Variants in NR2F1-AS1 observed in about 807,000 individuals in gnomAD.
NR2F1-AS1 encodes NR2F1 regulatory antisense RNA 1.
At chr5:93,470,071 A>G (rs985034616) in intron 4 of NR2F1-AS1, among the ~76,000 whole-genome samples, 1 of 152,048 alleles carries the variant, frequency 6.6e-6, no homozygotes, top group Non-Finnish European at 1.5e-5. Context: ...ATAGCCACAA[A>G]AGGTAAATAT....
At chr5:93,492,281 C>A (rs955819990) in intron 4 of NR2F1-AS1, among the ~76,000 whole-genome samples, 1 of 152,026 alleles carries the variant, frequency 6.6e-6, no homozygotes, top group African/African-American at 2.4e-5. Flanking sequence ...AAAGAAAAAA[C>A]CTTAACAGAC....
chr5:93,479,505 T>C (rs1001348918), intron 4 of NR2F1-AS1, among the ~76,000 whole-genome samples: 6 of 152,156 alleles, frequency 3.9e-5, no homozygotes, highest in African/African-American at 1.4e-4. Context: ...ACTAAACAAA[T>C]GAACAACTGC....
intron 4 of NR2F1-AS1, among the ~76,000 whole-genome samples, chr5:93,539,406 A>G (rs945543009): frequency 3.3e-5 from 5 of 152,216 alleles, no homozygotes; most frequent in African/African-American, 1.2e-4. Context: ...TATATACATA[A>G]TGGAATACTA....
chr5:93,490,837 G>T (rs1451024477), intron 4 of NR2F1-AS1, among the ~76,000 whole-genome samples: 31 of 150,406 alleles, frequency 2.1e-4, no homozygotes, highest in East Asian at 1.6e-3. Context: ...AGTGGTGGTG[G>T]TGGTGGTGCA....
chr5:93,531,780 G>GA (rs1329762229), intron 4 of NR2F1-AS1, among the ~76,000 whole-genome samples: 1 of 152,108 alleles, frequency 6.6e-6, no homozygotes, highest in Non-Finnish European at 1.5e-5. Flanking sequence ...ATACAAACAG[G>GA]AAAGAGAAAA....
rs1338487244 is a variant in NR2F1-AS1 at position 93,469,521 on chromosome 5, C to T, written n.639-73979G>A. Among the ~76,000 whole-genome samples the T allele has an allele frequency of 2.0e-5, 3 of 152,040 alleles. No individual in the cohort carries two copies. In the East Asian group the frequency reaches 5.8e-4, roughly 29 times the overall value. ...CGGTCATAGGAAAAACCAACTAAAG[C>T]TCAGTAAACAATCACAGTATTAACA... On this transcript the variant is annotated intron_variant and non_coding_transcript_variant, in intron 4 of 5. Transcript: ENST00000660523.
At chr5:93,451,321 A>G (rs999465369) in intron 4 of NR2F1-AS1, among the ~76,000 whole-genome samples, 54 of 89,130 alleles carry the variant, frequency 6.1e-4, no homozygotes, top group African/African-American at 3.0e-3. Flanking sequence ...AGGGTTTTTG[A>G]AAAAAAAAAA....
intron 4 of NR2F1-AS1, among the ~76,000 whole-genome samples, chr5:93,442,930 G>C (rs1009662091): frequency 3.9e-5 from 6 of 152,176 alleles, no homozygotes; most frequent in African/African-American, 1.2e-4. Context: ...AGGCAAACAG[G>C]GTCTGGAGTG....
chr5:93,547,167 A>G (rs979255844), intron 4 of NR2F1-AS1, among the ~76,000 whole-genome samples: 1 of 152,254 alleles, frequency 6.6e-6, no homozygotes, highest in Non-Finnish European at 1.5e-5. Flanking sequence ...ATGCATATGC[A>G]TATGTATATG....
chr5:93,500,722 C>T (rs567706174), intron 4 of NR2F1-AS1, among the ~76,000 whole-genome samples: 2 of 152,280 alleles, frequency 1.3e-5, no homozygotes, highest in East Asian at 3.9e-4. Flanking sequence ...ACTACAACCT[C>T]TGCCTCCCAG....
intron 4 of NR2F1-AS1, among the ~76,000 whole-genome samples, chr5:93,537,288 C>A (rs983999304): frequency 2.6e-5 from 4 of 151,924 alleles, no homozygotes; most frequent in African/African-American, 9.7e-5. Flanking sequence ...GCAACAAAAG[C>A]AAAAATACAC....
At chr5:93,543,861 A>C (rs183320549) in intron 4 of NR2F1-AS1, 1 of 152,328 alleles carries the variant, frequency 6.6e-6, no homozygotes, top group African/African-American at 2.4e-5. Flanking sequence ...TGTTGCTTAA[A>C]ATGTCTTCCA....
At chr5:93,422,237 A>G (rs1338052111) in intron 4 of NR2F1-AS1, 2 of 152,238 alleles carry the variant, frequency 1.3e-5, no homozygotes, top group Admixed American at 6.5e-5. Flanking sequence ...TTTTCCCATT[A>G]GCTTCTGGCT....
intron 4 of NR2F1-AS1, among the ~76,000 whole-genome samples, chr5:93,449,364 A>T (rs968257376): frequency 1.3e-5 from 2 of 152,084 alleles, no homozygotes; most frequent in Non-Finnish European, 2.9e-5. Flanking sequence ...ACACTCCAAC[A>T]TTTCTTACAA....
Position 93,412,907 on chromosome 5 carries a change from G to A in NR2F1-AS1, n.639-17365C>T, listed in dbSNP as rs115792147. On this transcript the variant is annotated intron_variant and non_coding_transcript_variant, in intron 4 of 5. Coordinates refer to ENST00000660523, the Ensembl canonical transcript of NR2F1-AS1. The stretch of plus-strand genomic sequence containing the variant: ...AACCAATCCCAACCACATCCACTTG[G>A]TCACTAAGGACTGGACTGCTGGCTT... 2.7e-3 allele frequency among the ~76,000 whole-genome samples: 414 copies of A among 152,102 alleles called. 5 individuals carry two copies. The highest frequency in any genetic ancestry group is 9.0e-3 in the African/African-American group (375 of 41,458).
chr5:93,571,475 G>A (rs188380721), intron 1 of NR2F1-AS1: 2 of 150,174 alleles, frequency 1.3e-5, no homozygotes, highest in East Asian at 2.0e-4. Flanking sequence ...CAGTGACGGC[G>A]GAAGGACGGA....
At chr5:93,549,226 T>A (rs1752166952) in intron 4 of NR2F1-AS1, among the ~76,000 whole-genome samples, 1 of 152,178 alleles carries the variant, frequency 6.6e-6, no homozygotes, top group Non-Finnish European at 1.5e-5. Flanking sequence ...TTGCCATGTT[T>A]ATACAACTAT....
At chr5:93,426,697 G>A (rs143869030) in intron 4 of NR2F1-AS1, among the ~76,000 whole-genome samples, 116 of 152,252 alleles carry the variant, frequency 7.6e-4, no homozygotes, top group Non-Finnish European at 1.3e-3. Flanking sequence ...AAAAGCAAAT[G>A]CCCCTGGCAG....
chr5:93,444,909 C>T (rs1749661701), intron 4 of NR2F1-AS1, among the ~76,000 whole-genome samples: 1 of 152,178 alleles, frequency 6.6e-6, no homozygotes, highest in South Asian at 2.1e-4. Context: ...CTCAAAACTG[C>T]TCAACTACAT....
Sources: gnomAD v4.1 joint callset for allele counts (sites outside exome capture counted in the v4.1 genomes callset) on GRCh38, gnomAD v4.1.1 for gene constraint, MANE v1.5 for transcripts, NCBI Gene and HGNC (gene_info 2026-07-23, HGNC 2026-07-21) for gene names.